Variants in EIF5B observed in about 807,000 individuals in gnomAD.
EIF5B encodes the protein eukaryotic translation initiation factor 5B.
EIF5B carries 47 observed loss-of-function variants against 147.5 expected under a neutral mutation model. That is an observed-to-expected ratio of 0.32 (90% confidence interval 0.25 to 0.41). The LOEUF (loss-of-function observed/expected upper bound fraction) is 0.41, where lower values mean the gene tolerates loss of function less well. Ranked by LOEUF, EIF5B falls within the 10% of genes least tolerant of loss-of-function variation. The probability of loss-of-function intolerance (pLI) is 1.00; values close to 1 mark genes in which losing one functional copy is unlikely to be tolerated. For synonymous variants in EIF5B, 455 were observed against 456.2 expected (o/e 1.00, Z 0.03); for missense variants, 1,064 against 1,413.2 (o/e 0.75, Z 3.96).
intron 10 of EIF5B, among the ~76,000 whole-genome samples, chr2:99,378,049 T>A (rs772671609): frequency 3.3e-5 from 5 of 152,186 alleles, no homozygotes; most frequent in Non-Finnish European, 5.9e-5. Context: ...ATTTGAGTTG[T>A]ATGTACTGTG....
At chr2:99,350,471 G>A (rs1260139452) in intron 1 of EIF5B, among the ~76,000 whole-genome samples, 2 of 151,840 alleles carry the variant, frequency 1.3e-5, no homozygotes, top group Non-Finnish European at 2.9e-5. Flanking sequence ...GTAAAAGCTA[G>A]TCTAAGGTGT....
At position 99,376,546 on chromosome 2, in the gene EIF5B, TAAAGA is replaced by T. The variant is rs2104217087; in HGVS notation, c.1755_1759del (p.Lys585AsnfsTer6). ...GGAAGACATTAGATAAAAAGCCAAG[TAAAGA>T]AATGAGCTCAGATTCTGAATATGAC... On this transcript the variant is annotated frameshift_variant, in exon 10 of 24. Transcript: ENST00000289371. LOFTEE classifies it high-confidence loss of function. 1 of 1,613,926 alleles carries T rather than the reference TAAAGA, an allele frequency of 6.2e-7. No individual in the cohort carries two copies. Among genetic ancestry groups the T allele is most frequent in the East Asian group, 2.2e-5 (1 of 44,862 alleles).
chr2:99,398,609 C>G (rs987533344), intron 22 of EIF5B, 139 bp from the exon 23 acceptor site: 2 of 851,362 alleles, frequency 2.3e-6, no homozygotes, highest in East Asian at 2.7e-5. Flanking sequence ...AATGTTACAC[C>G]GTGAGTGATG....
At chr2:99,338,943 TATATATA>T in intron 1 of EIF5B, among the ~76,000 whole-genome samples, 1 of 144,542 alleles carries the variant, frequency 6.9e-6, no homozygotes, top group East Asian at 2.0e-4. Flanking sequence ...TATATACAAA[TATATATA>T]CACACATATA....
At chr2:99,360,385 G>T in intron 2 of EIF5B, 24 bp downstream of exon 2, 3 of 1,577,350 alleles carry the variant, frequency 1.9e-6, no homozygotes, top group South Asian at 2.3e-5. Context: ...AAATATATTT[G>T]ATTTTTATTT....
At chr2:99,363,525 C>T (rs1487691203) in intron 4 of EIF5B, 120 bp from the exon 5 acceptor site, 3 of 976,760 alleles carry the variant, frequency 3.1e-6, no homozygotes, top group Admixed American at 2.4e-5. Flanking sequence ...TAGAACTTAG[C>T]CTGCTGCTGG....
In EIF5B at chr2:99,394,248, A is replaced by T; in HGVS notation, c.2881-19A>T. The T allele has an allele frequency of 1.9e-6, 3 of 1,598,212 alleles. No homozygotes were observed. The highest frequency in any genetic ancestry group is 2.6e-6 in the Non-Finnish European group (3 of 1,175,232). Reference sequence around the variant, plus strand: ...TAGAGGTGTGTTGACAACCTTATCAAATCTGATTTCTTTTCAAGGATGAAT... The same window carrying T: ...TAGAGGTGTGTTGACAACCTTATCATATCTGATTTCTTTTCAAGGATGAAT... On this transcript the variant is annotated intron_variant, in intron 18 of 23. Transcript: ENST00000289371.
chr2:99,383,610 T>A (rs1309305792), intron 14 of EIF5B, among the ~76,000 whole-genome samples: 1 of 151,960 alleles, frequency 6.6e-6, no homozygotes, highest in East Asian at 1.9e-4. Context: ...CCAGTAGAGG[T>A]TGGTTCATGA....
chr2:99,401,141 A>AAATT lies in EIF5B; in HGVS notation c.*1729_*1732dup, dbSNP rs749720563. ...AAACACTTGCTTTAAAAGAAATTTAAAATTATAAAAACTCCGAGCATTACT... is the reference window on the plus strand; with the variant it reads ...AAACACTTGCTTTAAAAGAAATTTAAAATTAATTATAAAAACTCCGAGCATTACT... On this transcript the variant is annotated 3_prime_UTR_variant, in exon 24 of 24. Transcript: ENST00000289371. The AAATT allele has an allele frequency of 7.9e-6, 5 of 635,010 alleles. No homozygotes were observed. Among genetic ancestry groups the AAATT allele is most frequent in the Non-Finnish European group, 1.3e-5 (5 of 383,748 alleles). The allele number at this position is 635,010 out of a possible 1,614,324, so 39.3% of individuals were successfully genotyped here. A position where few individuals can be genotyped will look rare whatever the true frequency, so the allele number is the denominator to read the frequency against.
intron 1 of EIF5B, among the ~76,000 whole-genome samples, chr2:99,347,890 T>C (rs1369092065): frequency 6.6e-6 from 1 of 152,318 alleles, no homozygotes; most frequent in East Asian, 1.9e-4. Flanking sequence ...AAAGTGGCTG[T>C]CTGTATTCAT....
intron 9 of EIF5B, 51 bp downstream of exon 9, chr2:99,371,781 AATGAT>A (rs765849262): frequency 2.1e-5 from 31 of 1,477,644 alleles, no homozygotes; most frequent in Non-Finnish European, 2.6e-5. Flanking sequence ...ATTAGAAATG[AATGAT>A]ATATATTTAA....
At chr2:99,342,727 A>T (rs905782181) in intron 1 of EIF5B, among the ~76,000 whole-genome samples, 1 of 151,810 alleles carries the variant, frequency 6.6e-6, no homozygotes, top group Non-Finnish European at 1.5e-5. Flanking sequence ...GAACTCATGG[A>T]CTCAAGCAGT....
chr2:99,380,273 A>G (rs1674661622), intron 12 of EIF5B, among the ~76,000 whole-genome samples: 1 of 151,992 alleles, frequency 6.6e-6, no homozygotes, highest in East Asian at 1.9e-4. Flanking sequence ...GCTGGTCTTG[A>G]ACTCCTGTGC....
intron 1 of EIF5B, among the ~76,000 whole-genome samples, chr2:99,352,484 C>CG (rs1343629742): frequency 1.3e-5 from 2 of 151,148 alleles, no homozygotes; most frequent in East Asian, 3.9e-4. Flanking sequence ...TGTGAGCCAC[C>CG]GTGCCCAGCC....
At chr2:99,387,963 A>G (rs1451117928) in intron 14 of EIF5B, among the ~76,000 whole-genome samples, 1 of 152,186 alleles carries the variant, frequency 6.6e-6, no homozygotes, top group East Asian at 1.9e-4. Flanking sequence ...CTGAGCCACC[A>G]TGCCTGGCCA....
rs1266125283 is a variant in EIF5B at position 99,392,817 on chromosome 2, AAT to A, written c.2749-149_2749-148del. The A allele has an allele frequency of 4.9e-6, 3 of 614,832 alleles. No individual in the cohort carries two copies. The African/African-American group carries it at 5.7e-5, about 12-fold the overall frequency. The allele number at this position is 614,832 out of a possible 1,614,324, so 38.1% of individuals were successfully genotyped here. A position where few individuals can be genotyped will look rare whatever the true frequency, so the allele number is the denominator to read the frequency against. ...TTGAGAAATGGAAATATTTAATTTT[AAT>A]GTTAAATTTATCAGTCTTGTGATTA... On this transcript the variant is annotated intron_variant, in intron 17 of 23. Transcript: ENST00000289371.
intron 20 of EIF5B, 63 bp from the exon 21 acceptor site, chr2:99,394,656 A>C: frequency 6.2e-7 from 1 of 1,611,048 alleles, no homozygotes. Context: ...ATCTTAAAAA[A>C]CTGTCCTCTG....
At chr2:99,369,357 A>G (rs761302026) in intron 7 of EIF5B, 35 bp from the exon 8 acceptor site, 3 of 1,550,568 alleles carry the variant, frequency 1.9e-6, no homozygotes, top group East Asian at 4.5e-5. Flanking sequence ...TATACACCAA[A>G]AAAAATATTA....
chr2:99,365,522 A>G (rs1674307481), intron 6 of EIF5B, among the ~76,000 whole-genome samples: 1 of 152,356 alleles, frequency 6.6e-6, no homozygotes, highest in African/African-American at 2.4e-5. Context: ...GCATTCATAC[A>G]TCAGATTTCA....
Sources: gnomAD v4.1 joint callset for allele counts (sites outside exome capture counted in the v4.1 genomes callset) on GRCh38, gnomAD v4.1.1 for gene constraint, MANE v1.5 for transcripts, NCBI Gene and HGNC (gene_info 2026-07-23, HGNC 2026-07-21) for gene names.